NABP2: variants seen among roughly 807,000 people sequenced by gnomAD.
NABP2 encodes the protein nucleic acid binding protein 2.
In NABP2, 7 loss-of-function variants were observed where a neutral mutation model predicts 22.7. The ratio of observed to expected loss-of-function variants is 0.31; its 90% CI spans 0.18 to 0.58. The LOEUF (loss-of-function observed/expected upper bound fraction) is 0.58. NABP2 is among the 20% of genes least tolerant of loss of function. The pLI, the probability that NABP2 is intolerant of heterozygous loss-of-function variation, is 0.89. For missense variants in NABP2, 188 were observed against 265.9 expected, an observed-to-expected ratio of 0.71 and a Z score of 2.04; for synonymous variants, 107 against 99.2, an observed-to-expected ratio of 1.08 and a Z score of -0.47.
At chr12:56,226,093 C>A in intron 4 of NABP2, 86 bp from the exon 5 acceptor site, 1 of 1,232,932 alleles carries the variant, frequency 8.1e-7, no homozygotes, top group Non-Finnish European at 1.2e-6. Context: ...TGAGTGACCA[C>A]ACCGAACCTA....
chr12:56,229,373 A>T lies in NABP2; in HGVS notation c.*160A>T. 1.4e-6 allele frequency: 1 copy of T among 709,358 alleles called. No individual in the cohort carries two copies. The highest frequency in any genetic ancestry group is 2.3e-6 in the Non-Finnish European group (1 of 426,274). The allele number at this position is 709,358 out of a possible 1,614,324, so 43.9% of individuals were successfully genotyped here. ...ATCCACCCTAATCTCATACTCCCTC[A>T]TTGTCCAGCTGAACTACCTGTCCCC... is the stretch of plus-strand genomic sequence containing the variant. On this transcript the variant is annotated 3_prime_UTR_variant, in exon 7 of 7. Transcript: ENST00000267023.
chr12:56,226,102 T>C, intron 4 of NABP2, 77 bp from the exon 5 acceptor site: 1 of 1,352,254 alleles, frequency 7.4e-7, no homozygotes, highest in Non-Finnish European at 1.1e-6. Flanking sequence ...ACACCGAACC[T>C]ATCTGGACTT....
At chr12:56,224,274 G>A, upstream of NABP2, 1 of 957,678 alleles carries the variant, frequency 1.0e-6, no homozygotes, top group South Asian at 4.8e-5. Context: ...GCGGCGGGAC[G>A]CAGGGCGCGC....
At chr12:56,224,084 G>T (rs1869639607), upstream of NABP2, among the ~76,000 whole-genome samples, 1 of 152,224 alleles carries the variant, frequency 6.6e-6, no homozygotes, top group Non-Finnish European at 1.5e-5. Flanking sequence ...GGAAAGAAAC[G>T]TCTTAGAACC....
intron 2 of NABP2, among the ~76,000 whole-genome samples, 196 bp downstream of exon 2, chr12:56,225,131 TC>T (rs1285272220): frequency 1.3e-5 from 2 of 151,978 alleles, no homozygotes; most frequent in African/African-American, 4.8e-5. Flanking sequence ...GATCTAGACC[TC>T]CTGTGCGACG....
chr12:56,222,403 T>A (rs1156697163), upstream of NABP2, among the ~76,000 whole-genome samples: 3 of 151,746 alleles, frequency 2.0e-5, no homozygotes, highest in Non-Finnish European at 4.4e-5. Context: ...AGTGAGGGAG[T>A]CTGACCGCAA....
intron 6 of NABP2, among the ~76,000 whole-genome samples, chr12:56,227,368 T>G (rs1869823215): frequency 6.8e-6 from 1 of 146,458 alleles, no homozygotes; most frequent in African/African-American, 2.7e-5. Flanking sequence ...AGTGAGACTC[T>G]TTCTCAAAAA....
chr12:56,223,870 G>T (rs2135827154), upstream of NABP2, among the ~76,000 whole-genome samples: 1 of 152,286 alleles, frequency 6.6e-6, no homozygotes, highest in Admixed American at 6.5e-5. Context: ...GCCCAGGCAG[G>T]TCTGGAACTC....
chr12:56,228,262 C>T (rs1030502283), intron 6 of NABP2, among the ~76,000 whole-genome samples: 3 of 152,020 alleles, frequency 2.0e-5, no homozygotes, highest in African/African-American at 7.3e-5. Flanking sequence ...CTAAAATGAA[C>T]ATTATCATTA....
At chr12:56,226,072 G>A (rs888730400) in intron 4 of NABP2, 107 bp from the exon 5 acceptor site, 42 of 975,782 alleles carry the variant, frequency 4.3e-5, no homozygotes, top group Middle Eastern at 2.1e-4. Flanking sequence ...AAAGTGCTAG[G>A]ATTACAGGTG....
At chr12:56,222,683 A>G (rs1471860410), upstream of NABP2, among the ~76,000 whole-genome samples, 1 of 152,200 alleles carries the variant, frequency 6.6e-6, no homozygotes, top group East Asian at 1.9e-4. Flanking sequence ...GGGATTAATT[A>G]AGCAAACCAA....
At chr12:56,226,557 CTT>C (rs10676451) in intron 6 of NABP2, 138 bp downstream of exon 6, 5,666 of 264,786 alleles carry the variant, frequency 0.021, no homozygotes, top group East Asian at 0.039. Context: ...TCCCAGACCC[CTT>C]TTTTTTTTTT....
intron 6 of NABP2, 87 bp from the exon 7 acceptor site, chr12:56,228,927 C>A (rs1869946248): frequency 1.6e-6 from 2 of 1,250,462 alleles, no homozygotes; most frequent in South Asian, 1.3e-5. Flanking sequence ...AAGACTGTGC[C>A]ACTCTTTGGG....
chr12:56,226,511 C>A, intron 6 of NABP2, 92 bp downstream of exon 6: 2 of 1,048,722 alleles, frequency 1.9e-6, no homozygotes, highest in Non-Finnish European at 2.9e-6. Context: ...TTTTCCAAAT[C>A]TCTCTTTTCT....
chr12:56,226,557 CTTTT>C (rs10676451), intron 6 of NABP2, 138 bp downstream of exon 6: 703 of 270,436 alleles, frequency 2.6e-3, no homozygotes, highest in Middle Eastern at 8.6e-3. Flanking sequence ...TCCCAGACCC[CTTTT>C]TTTTTTTTTT....
In NABP2 at chr12:56,224,371, G is replaced by C. The variant is rs1296793841; in HGVS notation, c.-94G>C. On this transcript the variant is annotated 5_prime_UTR_variant, in exon 1 of 7. Transcript: ENST00000267023. The stretch of plus-strand genomic sequence containing the variant: ...TCCCGCGTTCCACGGGGCAGCATCC[G>C]GCGGCAGCGGAGCCTGTGGCTCCCC... The C allele has an allele frequency of 6.1e-6, 6 of 990,174 alleles. No homozygotes were observed. The African/African-American group carries it at 1.0e-4, about 17-fold the overall frequency. 61.3% of individuals were successfully genotyped at this position (990,174 alleles called of 1,614,324 possible).
Position 56,225,473 on chromosome 12 carries a change from T to C in NABP2, c.180T>C (p.Asn60=). Residue 60 remains asparagine (N), a synonymous_variant, in exon 3 of 7, where the codon AAT becomes AAC. Coordinates refer to ENST00000267023, the MANE Select transcript of NABP2 (RefSeq NM_024068.4). The part of the protein sequence containing the change: ...INISVWDDVG[N]LIQPGDIIRL... ...TCTCTGTCTGGGACGATGTTGGCAATCTGATCCAGCCTGGGGACATTATCC... is the reference window on the plus strand; with the variant it reads ...TCTCTGTCTGGGACGATGTTGGCAACCTGATCCAGCCTGGGGACATTATCC... 6.2e-7 allele frequency: 1 copy of C among 1,614,194 alleles called. No individual in the cohort carries two copies. Among genetic ancestry groups the C allele is most frequent in the Non-Finnish European group, 8.5e-7 (1 of 1,180,032 alleles).
chr12:56,225,165 C>G (rs1771805986), intron 2 of NABP2, among the ~76,000 whole-genome samples: 1 of 152,072 alleles, frequency 6.6e-6, no homozygotes, highest in African/African-American at 2.4e-5. Context: ...CACTCAGGGC[C>G]CTCTCCATGG....
At chr12:56,225,287 C>A in intron 2 of NABP2, 86 bp from the exon 3 acceptor site, 1 of 1,559,038 alleles carries the variant, frequency 6.4e-7, no homozygotes, top group Non-Finnish European at 8.8e-7. Context: ...TCCCTCATTC[C>A]ACCAATATCC....
Sources: gnomAD v4.1 joint callset for allele counts (sites outside exome capture counted in the v4.1 genomes callset) on GRCh38, gnomAD v4.1.1 for gene constraint, MANE v1.5 for transcripts, NCBI Gene and HGNC (gene_info 2026-07-23, HGNC 2026-07-21) for gene names.